The following INVS variants were observed in gnomAD, a reference collection of about 807,000 sequenced individuals.
INVS encodes inversion of embryo turning homolog.
Under a neutral mutation model 108.8 loss-of-function variants are expected in INVS, and 86 were observed. That is an observed-to-expected ratio of 0.79 (90% CI 0.66 to 0.95). INVS has a LOEUF of 0.95. Ranked by LOEUF, INVS falls within the 40% of genes least tolerant of loss-of-function variation. The pLI is 0.00. For missense variants in INVS, 1,169 were observed against 1,297.4 expected (o/e 0.90, Z 1.52); for synonymous variants, 455 against 473.5 (o/e 0.96, Z 0.51).
intron 4 of INVS, among the ~76,000 whole-genome samples, chr9:100,228,830 A>G (rs1193083313): frequency 6.6e-6 from 1 of 152,228 alleles, no homozygotes; most frequent in Admixed American, 6.5e-5. Flanking sequence ...ACTGCATGCA[A>G]TTAAATAGAC....
intron 10 of INVS, among the ~76,000 whole-genome samples, chr9:100,260,566 A>T (rs997490792): frequency 6.6e-6 from 1 of 152,136 alleles, no homozygotes; most frequent in African/African-American, 2.4e-5. Flanking sequence ...AATCTTTTTA[A>T]TTATCATGAA....
At chr9:100,264,725 A>G (rs535760733) in intron 10 of INVS, 97 bp from the exon 11 acceptor site, 1 of 848,054 alleles carries the variant, frequency 1.2e-6, no homozygotes, top group East Asian at 2.6e-5. Context: ...AGCAATTTGG[A>G]AAAATGATTG....
At chr9:100,276,595 A>G (rs918041502) in intron 12 of INVS, among the ~76,000 whole-genome samples, 4 of 151,558 alleles carry the variant, frequency 2.6e-5, no homozygotes, top group Non-Finnish European at 5.9e-5. Flanking sequence ...TGCAACCTCC[A>G]CCTCCTGGGT....
At chr9:100,248,948 C>T (rs1156497799) in intron 8 of INVS, among the ~76,000 whole-genome samples, 6 of 151,880 alleles carry the variant, frequency 4.0e-5, no homozygotes, top group African/African-American at 7.3e-5. Flanking sequence ...CTGTGTTGCC[C>T]AGGCTGGTCT....
chr9:100,160,900 A>G (rs2119009654), intron 3 of INVS, among the ~76,000 whole-genome samples: 1 of 138,676 alleles, frequency 7.2e-6, no homozygotes, highest in African/African-American at 2.7e-5. Context: ...GGTTGCAGTG[A>G]GCTGAGATCA....
chr9:100,112,083 T>C (rs935233615), intron 2 of INVS, among the ~76,000 whole-genome samples: 1 of 152,174 alleles, frequency 6.6e-6, no homozygotes, highest in African/African-American at 2.4e-5. Flanking sequence ...GTGATTCTCC[T>C]GCTTCAGCCT....
chr9:100,242,699 G>T lies in INVS; in HGVS notation c.906+20G>T, dbSNP rs751637395. Reference sequence around the variant, plus strand: ...TTTGCTGTAAGTAAAACAAGACAATGCTCTTTTTTCTTAGTGAAAATTGTT... The same window carrying T: ...TTTGCTGTAAGTAAAACAAGACAATTCTCTTTTTTCTTAGTGAAAATTGTT... On this transcript the variant is annotated intron_variant, in intron 7 of 16. Coordinates refer to ENST00000262457, the MANE Select transcript of INVS (RefSeq NM_014425.5). 4 of 1,344,768 alleles carry T rather than the reference G, an allele frequency of 3.0e-6. No individual in the cohort carries two copies. In the South Asian group the frequency reaches 4.7e-5, roughly 16 times the overall value. The allele number at this position is 1,344,768 out of a possible 1,614,324, so 83.3% of individuals were successfully genotyped here. A position where few individuals can be genotyped will look rare whatever the true frequency, so the allele number is the denominator to read the frequency against.
At chr9:100,227,003 A>G (rs1831349043) in intron 4 of INVS, among the ~76,000 whole-genome samples, 1 of 152,018 alleles carries the variant, frequency 6.6e-6, no homozygotes, top group Non-Finnish European at 1.5e-5. Flanking sequence ...CCCAGAATCC[A>G]CTACTTAACT....
chr9:100,164,047 T>A (rs962357899), intron 3 of INVS, among the ~76,000 whole-genome samples: 4 of 152,234 alleles, frequency 2.6e-5, no homozygotes, highest in African/African-American at 9.6e-5. Context: ...AGAGTTGATG[T>A]TGGCTTGGAC....
chr9:100,144,751 C>T lies in INVS; in HGVS notation c.273+18202C>T, dbSNP rs149844623. On this transcript the variant is annotated intron_variant, in intron 3 of 16. Transcript: ENST00000262457. ...AGAATTGGGACTTAGCTCGGCCTGG[C>T]GACAAGCAGCCTGGGGAGGAGGGGA... 6.1e-3 allele frequency among the ~76,000 whole-genome samples: 916 copies of T among 151,308 alleles called. 4 individuals are homozygous for T. Among genetic ancestry groups the T allele is most frequent in the Middle Eastern group, 0.014 (4 of 292 alleles).
intron 3 of INVS, chr9:100,175,860 A>G (rs1434702119): frequency 4.7e-6 from 3 of 638,364 alleles, no homozygotes; most frequent in Non-Finnish European, 5.8e-6. Flanking sequence ...AATCCCTTCT[A>G]TAGCTGTGGA....
intron 10 of INVS, among the ~76,000 whole-genome samples, 187 bp from the exon 11 acceptor site, chr9:100,264,633 AAT>A (rs1178357289): frequency 3.3e-5 from 5 of 151,914 alleles, no homozygotes; most frequent in South Asian, 4.2e-4. Flanking sequence ...AAAAAAAAAA[AAT>A]AGTGTTAATT....
At chr9:100,259,198 G>A (rs940522283) in intron 10 of INVS, among the ~76,000 whole-genome samples, 6 of 152,196 alleles carry the variant, frequency 3.9e-5, no homozygotes, top group East Asian at 3.9e-4. Flanking sequence ...GTGAGTCTCC[G>A]TGGGCGTGGG....
intron 2 of INVS, among the ~76,000 whole-genome samples, chr9:100,120,121 G>A (rs897973039): frequency 6.6e-6 from 1 of 152,162 alleles, no homozygotes; most frequent in African/African-American, 2.4e-5. Flanking sequence ...TAAAACATAT[G>A]GGAGCCCTGT....
intron 2 of INVS, chr9:100,117,552 C>T (rs1827577754): frequency 4.6e-6 from 5 of 1,094,244 alleles, no homozygotes; most frequent in South Asian, 3.9e-5. Flanking sequence ...CTGCGGAAAC[C>T]TCCGCGGAAG....
chr9:100,151,500 A>G (rs961524738), intron 3 of INVS, among the ~76,000 whole-genome samples: 2 of 151,916 alleles, frequency 1.3e-5, no homozygotes, highest in Non-Finnish European at 2.9e-5. Context: ...ATAAATATAT[A>G]TATACCTTAT....
chr9:100,199,930 T>C (rs563966676), intron 3 of INVS, among the ~76,000 whole-genome samples: 29 of 152,300 alleles, frequency 1.9e-4, no homozygotes, highest in African/African-American at 6.7e-4. Context: ...CAATTACACA[T>C]AACATTAGAC....
At chr9:100,242,523 T>C (rs370088670) in intron 6 of INVS, 47 bp from the exon 7 acceptor site, 7 of 987,108 alleles carry the variant, frequency 7.1e-6, no homozygotes, top group Non-Finnish European at 1.1e-5. Context: ...TATAAATTAA[T>C]TAACATCCTT....
At chr9:100,242,110 T>C (rs1831892930) in intron 6 of INVS, among the ~76,000 whole-genome samples, 1 of 152,162 alleles carries the variant, frequency 6.6e-6, no homozygotes, top group Non-Finnish European at 1.5e-5. Flanking sequence ...GCCTCAGAGA[T>C]AGAAGAGGTT....
Sources: allele counts gnomAD v4.1 joint callset (sites outside exome capture counted in the v4.1 genomes callset), GRCh38; gene constraint gnomAD v4.1.1; transcripts MANE v1.5; gene names NCBI Gene and HGNC (gene_info 2026-07-23, HGNC 2026-07-21).